LRP1B: variants seen among roughly 807,000 people sequenced by gnomAD.
LRP1B encodes the protein low-density lipoprotein receptor-related protein 1B.
A neutral mutation model predicts 556.6 loss-of-function variants in LRP1B; 217 were observed. The observed-to-expected ratio is 0.39, with a 90% CI of 0.35 to 0.44. The LOEUF is 0.44. LRP1B is among the 20% of genes least tolerant of loss of function. The pLI, the probability that LRP1B is intolerant of heterozygous loss-of-function variation, is 1.00. For synonymous variants in LRP1B, 2,047 were observed against 1,865.8 expected (o/e 1.10, Z -2.50); for missense variants, 5,053 against 5,620.8 (o/e 0.90, Z 3.23).
intron 1 of LRP1B, among the ~76,000 whole-genome samples, chr2:142,120,682 T>C (rs1020618190): frequency 2.0e-5 from 3 of 152,204 alleles, no homozygotes; most frequent in African/African-American, 4.8e-5. Flanking sequence ...TTTATGTTGA[T>C]AGAAATAACA....
At chr2:141,025,870 C>A (rs1420337213) in intron 11 of LRP1B, among the ~76,000 whole-genome samples, 1 of 152,008 alleles carries the variant, frequency 6.6e-6, no homozygotes, top group African/African-American at 2.4e-5. Context: ...TCACATTCAT[C>A]CTTTTCCGAT....
chr2:141,834,845 A>G (rs1697220090), intron 1 of LRP1B, among the ~76,000 whole-genome samples: 1 of 151,986 alleles, frequency 6.6e-6, no homozygotes. Context: ...ATGTAGAATG[A>G]TAGTTCCATA....
chr2:140,583,521 C>G (rs116641202), intron 43 of LRP1B, among the ~76,000 whole-genome samples: 1 of 151,852 alleles, frequency 6.6e-6, no homozygotes, highest in Non-Finnish European at 1.5e-5. Flanking sequence ...TTTCTTCCCT[C>G]TAAGATACGT....
intron 3 of LRP1B, among the ~76,000 whole-genome samples, chr2:141,262,639 A>C (rs1684738870): frequency 6.6e-6 from 1 of 152,142 alleles, no homozygotes. Context: ...ACAAATGTTA[A>C]ATTGTTCCAG....
At chr2:141,204,755 G>A (rs537011760) in intron 6 of LRP1B, among the ~76,000 whole-genome samples, 2 of 152,124 alleles carry the variant, frequency 1.3e-5, no homozygotes, top group East Asian at 3.9e-4. Flanking sequence ...TGGCCAAGAT[G>A]GTGAAACCCC....
At chr2:141,169,974 A>AT (rs1680429560) in intron 7 of LRP1B, among the ~76,000 whole-genome samples, 1 of 152,024 alleles carries the variant, frequency 6.6e-6, no homozygotes, top group Non-Finnish European at 1.5e-5. Context: ...CACATTGTAT[A>AT]CAGCAATGTA....
At position 140,867,541 on chromosome 2, in the gene LRP1B, G is replaced by T. The variant is rs753634098; in HGVS notation, c.4579+49C>A. On this transcript the variant is annotated intron_variant, in intron 27 of 90. Coordinates refer to ENST00000389484, the MANE Select transcript of LRP1B (RefSeq NM_018557.3). Reference sequence around the variant, plus strand: ...TATACTTCAAATATTATATGATTAAGATGATAATACTTTCTGGGTGGTTAA... The same window carrying T: ...TATACTTCAAATATTATATGATTAATATGATAATACTTTCTGGGTGGTTAA... The T allele has an allele frequency of 9.8e-6, 15 of 1,526,804 alleles. No homozygotes were observed. The African/African-American group carries it at 2.1e-4, about 21-fold the overall frequency. 94.6% of individuals were successfully genotyped at this position (1,526,804 alleles called of 1,614,324 possible).
At chr2:141,789,412 C>T (rs1695535360) in intron 2 of LRP1B, among the ~76,000 whole-genome samples, 1 of 151,940 alleles carries the variant, frequency 6.6e-6, no homozygotes, top group South Asian at 2.1e-4. Context: ...CCACATACCA[C>T]TTGTCAAGAA....
At chr2:141,646,194 T>G (rs7560183) in intron 2 of LRP1B, among the ~76,000 whole-genome samples, 20,255 of 152,148 alleles carry the variant, frequency 0.13, 2,037 homozygotes, top group African/African-American at 0.27. Context: ...TCTTAGCTTT[T>G]ATATTCATTT....
At position 141,167,825 on chromosome 2, in the gene LRP1B, T is replaced by A. The variant is rs1210762066; in HGVS notation, c.1013+20596A>T. On this transcript the variant is annotated intron_variant, in intron 7 of 90. Coordinates refer to ENST00000389484, the MANE Select transcript of LRP1B (RefSeq NM_018557.3). Reference sequence around the variant, plus strand: ...TTTTTACAGTGACCATTGATAGAACTATTATGAAGTGAGAAAACTTGGTTT... The same window carrying A: ...TTTTTACAGTGACCATTGATAGAACAATTATGAAGTGAGAAAACTTGGTTT... Among the ~76,000 whole-genome samples the A allele has an allele frequency of 2.4e-4, 36 of 152,124 alleles. 2 individuals are homozygous for A. Among genetic ancestry groups the A allele is most frequent in the Non-Finnish European group, 1.0e-4 (7 of 67,956 alleles).
intron 3 of LRP1B, among the ~76,000 whole-genome samples, chr2:141,279,362 C>A (rs1262809404): frequency 2.6e-5 from 4 of 152,018 alleles, no homozygotes; most frequent in African/African-American, 9.7e-5. Flanking sequence ...CCAAGTCTTA[C>A]AGTAAATCCT....
At chr2:140,381,861 CAAAAAAAAAAAAAAA>C (rs56723132) in intron 67 of LRP1B, among the ~76,000 whole-genome samples, 10 of 64,216 alleles carry the variant, frequency 1.6e-4, no homozygotes, top group Admixed American at 2.0e-4. Flanking sequence ...GGCTCCCTTT[CAAAAAAAAAAAAAAA>C]AAAAAAAAAA....
intron 7 of LRP1B, among the ~76,000 whole-genome samples, chr2:141,074,338 T>C (rs1330805227): frequency 6.6e-6 from 1 of 152,102 alleles, no homozygotes; most frequent in African/African-American, 2.4e-5. Context: ...CTTTTCTGTT[T>C]TTCCAATATC....
chr2:140,698,666 C>T (rs560693434), intron 41 of LRP1B, among the ~76,000 whole-genome samples: 3 of 152,114 alleles, frequency 2.0e-5, no homozygotes, highest in East Asian at 3.9e-4. Context: ...TAATAATAGC[C>T]TTTACAGATA....
chr2:141,511,155 T>C (rs138020949), intron 2 of LRP1B, among the ~76,000 whole-genome samples: 4 of 152,136 alleles, frequency 2.6e-5, no homozygotes, highest in Admixed American at 6.6e-5. Flanking sequence ...GGCAAGAGTA[T>C]GAAAATATGT....
At chr2:140,929,858 T>G (rs1187713524) in intron 20 of LRP1B, among the ~76,000 whole-genome samples, 4 of 151,116 alleles carry the variant, frequency 2.6e-5, no homozygotes. Context: ...TCAAACCCAT[T>G]TCTCAATATC....
Position 140,806,296 on chromosome 2 carries a change from T to A in LRP1B, c.5359+7361A>T, listed in dbSNP as rs115025449. ...AGACATACAAATATATAAATAAAAA[T>A]ATATATATGCATACACCTTGACACT... is the stretch of plus-strand genomic sequence containing the variant. On this transcript the variant is annotated intron_variant, in intron 32 of 90. Transcript: ENST00000389484. 6.1e-3 allele frequency among the ~76,000 whole-genome samples: 928 copies of A among 152,100 alleles called. 12 individuals carry two copies. The highest frequency in any genetic ancestry group is 0.021 in the African/African-American group (873 of 41,492).
intron 7 of LRP1B, among the ~76,000 whole-genome samples, chr2:141,113,423 A>G (rs947015412): frequency 1.3e-5 from 2 of 152,202 alleles, no homozygotes; most frequent in Non-Finnish European, 2.9e-5. Context: ...AGCCAACACA[A>G]TGCTGAATAA....
chr2:141,087,826 C>T (rs1044672019), intron 7 of LRP1B, among the ~76,000 whole-genome samples: 2 of 152,144 alleles, frequency 1.3e-5, no homozygotes, highest in African/African-American at 2.4e-5. Context: ...GAACTTCAGA[C>T]ACTAGTTTAC....
Sources: allele counts gnomAD v4.1 joint callset (sites outside exome capture counted in the v4.1 genomes callset), GRCh38; gene constraint gnomAD v4.1.1; transcripts MANE v1.5; gene names NCBI Gene and HGNC (gene_info 2026-07-23, HGNC 2026-07-21).